The following GNB4 variants were observed in gnomAD, a reference collection of about 807,000 sequenced individuals.
The protein encoded by GNB4 is guanine nucleotide-binding protein subunit beta-4.
Under a neutral mutation model 45.2 loss-of-function variants are expected in GNB4, and 28 were observed. The observed-to-expected ratio is 0.62, with a 90% CI of 0.46 to 0.85. The LOEUF is 0.85. Ranked by LOEUF, GNB4 falls within the 40% of genes least tolerant of loss-of-function variation. GNB4 has a pLI of 0.00. For synonymous variants in GNB4, 132 were observed against 143.7 expected, an observed-to-expected ratio of 0.92 and a Z score of 0.58; for missense variants, 321 against 425.4, an observed-to-expected ratio of 0.75 and a Z score of 2.16.
intron 1 of GNB4, among the ~76,000 whole-genome samples, chr3:179,446,713 T>C (rs1382977294): frequency 6.6e-6 from 1 of 152,216 alleles, no homozygotes; most frequent in Non-Finnish European, 1.5e-5. Flanking sequence ...AGAAAGGTGA[T>C]AACGTGAAAA....
the GNB4 span, among the ~76,000 whole-genome samples, chr3:179,521,390 C>G: frequency 6.6e-6 from 1 of 152,190 alleles, no homozygotes; most frequent in African/African-American, 2.4e-5. Context: ...AGAATTCAGG[C>G]CTGTCCTCGG....
chr3:179,512,628 T>C, the GNB4 span, among the ~76,000 whole-genome samples: 21 of 152,328 alleles, frequency 1.4e-4, no homozygotes, highest in African/African-American at 4.3e-4. Flanking sequence ...CATGGCAGGG[T>C]TGGACTCTGG....
upstream of GNB4, among the ~76,000 whole-genome samples, chr3:179,453,570 T>A (rs1475922001): frequency 6.6e-6 from 1 of 152,118 alleles, no homozygotes; most frequent in Non-Finnish European, 1.5e-5. Context: ...TGGGAAGCAA[T>A]GAGATAGTCT....
At chr3:179,526,846 A>G in the GNB4 span, among the ~76,000 whole-genome samples, 1 of 152,250 alleles carries the variant, frequency 6.6e-6, no homozygotes, top group Non-Finnish European at 1.5e-5. Context: ...GATCCTCAAT[A>G]AACAGTTCTG....
Position 179,405,381 on chromosome 3 carries a change from G to A in GNB4, c.725C>T (p.Ala242Val). 6.2e-7 allele frequency: 1 copy of A among 1,613,074 alleles called. No individual in the cohort carries two copies. The highest frequency in any genetic ancestry group is 8.5e-7 in the Non-Finnish European group (1 of 1,179,216). The change falls in exon 9 of 10, where the codon GCC (alanine) becomes GTC (valine). Residue 242 changes from alanine to valine, a missense_variant. Coordinates refer to ENST00000232564, the MANE Select transcript of GNB4 (RefSeq NM_021629.4). Reference protein sequence around the residue: ...VSFFPNGYAFATGSDDATCRL... With the variant: ...VSFFPNGYAFVTGSDDATCRL... ...GCAAGTGGCATCATCAGAGCCAGTG[G>A]CGAAGGCATATCCATTTGGGAAAAA...
intron 1 of GNB4, among the ~76,000 whole-genome samples, chr3:179,427,620 A>G (rs927014460): frequency 6.6e-6 from 1 of 151,848 alleles, no homozygotes; most frequent in African/African-American, 2.4e-5. Flanking sequence ...AAAAAAAAAA[A>G]AAAAAAAGAT....
chr3:179,402,809 G>GAA (rs1369442251), intron 9 of GNB4, among the ~76,000 whole-genome samples: 1 of 152,192 alleles, frequency 6.6e-6, no homozygotes, highest in Non-Finnish European at 1.5e-5. Flanking sequence ...GATTGTGCTG[G>GAA]AAAGTGTTCA....
chr3:179,411,684 C>CT (rs1294406150), intron 8 of GNB4, among the ~76,000 whole-genome samples: 2 of 152,222 alleles, frequency 1.3e-5, no homozygotes, highest in Admixed American at 6.5e-5. Context: ...CTCTAAAACT[C>CT]TATTATTCTA....
chr3:179,488,408 A>T, the GNB4 span, among the ~76,000 whole-genome samples: 1 of 152,132 alleles, frequency 6.6e-6, no homozygotes, highest in Admixed American at 6.6e-5. Context: ...AACCTGTTGA[A>T]TATGTATGCT....
the GNB4 span, among the ~76,000 whole-genome samples, chr3:179,484,304 C>G: frequency 6.6e-6 from 1 of 152,230 alleles, no homozygotes; most frequent in Non-Finnish European, 1.5e-5. Flanking sequence ...CCTTCGGGTT[C>G]TGTTCCTCCA....
In GNB4 at chr3:179,426,174, T is replaced by C. The variant is rs376598495; in HGVS notation, c.27A>G (p.Gln9=). 19 of 1,603,478 alleles carry C rather than the reference T, an allele frequency of 1.2e-5. No homozygotes were observed. The highest frequency in any genetic ancestry group is 1.7e-4 in the Middle Eastern group (1 of 6,052). Residue 9 remains glutamine (Q), a synonymous_variant, in exon 2 of 10, where the codon CAA becomes CAG. Transcript: ENST00000232564. MSELEQLR[Q]EAEQLRNQIQ... is the part of the protein sequence containing the mutation. ...TCTGATTCCGCAGTTGTTCTGCTTCTTGCCTCAACTGTTCCAGTTCGCTCA... is the reference window on the plus strand; with the variant it reads ...TCTGATTCCGCAGTTGTTCTGCTTCCTGCCTCAACTGTTCCAGTTCGCTCA...
At chr3:179,509,609 T>C in the GNB4 span, among the ~76,000 whole-genome samples, 1 of 151,284 alleles carries the variant, frequency 6.6e-6, no homozygotes, top group African/African-American at 2.4e-5. Context: ...TTTGCAGTGT[T>C]ATAGACCCTT....
the GNB4 span, among the ~76,000 whole-genome samples, chr3:179,515,978 C>T: frequency 6.6e-6 from 1 of 151,926 alleles, no homozygotes; most frequent in Non-Finnish European, 1.5e-5. Context: ...AAACTAAATG[C>T]AAGACACAGG....
intron 5 of GNB4, among the ~76,000 whole-genome samples, 172 bp from the exon 6 acceptor site, chr3:179,415,219 G>A (rs939598208): frequency 4.6e-5 from 7 of 151,926 alleles, no homozygotes; most frequent in Admixed American, 6.6e-5. Flanking sequence ...CAACACTAAC[G>A]CACATTAAAA....
chr3:179,443,534 T>C (rs1559982275), intron 1 of GNB4, among the ~76,000 whole-genome samples: 2 of 152,078 alleles, frequency 1.3e-5, no homozygotes, highest in Admixed American at 6.5e-5. Context: ...GTGAGACGTC[T>C]CAAAAAAACA....
At chr3:179,500,074 C>G in the GNB4 span, among the ~76,000 whole-genome samples, 2 of 152,176 alleles carry the variant, frequency 1.3e-5, no homozygotes, top group Non-Finnish European at 2.9e-5. Flanking sequence ...TGTGCAGAAG[C>G]TCTTTAGTTT....
chr3:179,450,599 C>G (rs1715843303), intron 1 of GNB4, among the ~76,000 whole-genome samples: 1 of 152,138 alleles, frequency 6.6e-6, no homozygotes, highest in South Asian at 2.1e-4. Context: ...AAAGGGAACA[C>G]AAGGAGACGA....
chr3:179,506,961 A>T, the GNB4 span, among the ~76,000 whole-genome samples: 1 of 152,078 alleles, frequency 6.6e-6, no homozygotes, highest in African/African-American at 2.4e-5. Context: ...ACTCCACCTG[A>T]TTCCCTCCTC....
chr3:179,403,581 T>C (rs1714370812), intron 9 of GNB4, among the ~76,000 whole-genome samples: 1 of 151,964 alleles, frequency 6.6e-6, no homozygotes, highest in African/African-American at 2.4e-5. Context: ...TCACCTGAGG[T>C]CAGGAGTTCG....
Sources: gnomAD v4.1 joint callset for allele counts (sites outside exome capture counted in the v4.1 genomes callset) on GRCh38, gnomAD v4.1.1 for gene constraint, MANE v1.5 for transcripts, NCBI Gene and HGNC (gene_info 2026-07-23, HGNC 2026-07-21) for gene names.